Variants in IRF2BP1 observed in about 807,000 individuals in gnomAD.
The protein encoded by IRF2BP1 is interferon regulatory factor 2 binding protein 1.
In IRF2BP1, 9 loss-of-function variants were observed where a neutral mutation model predicts 38.6. The observed-to-expected ratio is 0.23, with a 90% CI of 0.14 to 0.41. The LOEUF is 0.41. Among genes scored for constraint, IRF2BP1 ranks in the 10% least tolerant of loss-of-function variants. IRF2BP1 has a pLI of 1.00. For synonymous variants in IRF2BP1, 416 were observed against 383.4 expected (o/e 1.08, Z -0.99); for missense variants, 631 against 829.6 (o/e 0.76, Z 2.94).
rs1967028281 is a variant in IRF2BP1 at position 45,884,425 on chromosome 19, C to T, written c.1350G>A (p.Gly450=). 1.3e-6 allele frequency: 2 copies of T among 1,598,690 alleles called. No individual in the cohort carries two copies. The highest frequency in any genetic ancestry group is 1.1e-5 in the South Asian group (1 of 90,630). ...PGGGGGPVRA[G]GASPAASSTA... is the part of the protein sequence containing the mutation. ...TGGAGGAGGCTGCAGGGCTGGCGCC[C>T]CCTGCACGCACAGGCCCCCCGCCTC... Residue 450 remains glycine, a synonymous_variant, in exon 1 of 1, where the codon GGG becomes GGA. Coordinates refer to ENST00000302165, the MANE Select transcript of IRF2BP1 (RefSeq NM_015649.3).
rs751213855 is a variant in IRF2BP1, at chr19:45,885,542, T to G, written c.233A>C (p.Lys78Thr). 7.0e-7 allele frequency: 1 copy of G among 1,433,880 alleles called. No individual in the cohort carries two copies. Among genetic ancestry groups the G allele is most frequent in the South Asian group, 1.4e-5 (1 of 69,638 alleles). 88.8% of individuals were successfully genotyped at this position (1,433,880 alleles called of 1,614,324 possible). A position where few individuals can be genotyped will look rare whatever the true frequency, so the allele number is the denominator to read the frequency against. ...GPPALKHPAT[K>T]DLAAAAAQGP... is the part of the protein sequence containing the mutation. ...CTGTGCGGCTGCCGCCGCCAGGTCC[T>G]TGGTGGCCGGGTGCTTAAGGGCCGG... is the stretch of plus-strand genomic sequence containing the variant. Residue 78 changes from lysine (K) to threonine (T), a missense_variant, in exon 1 of 1, where the codon AAG becomes ACG. By Grantham distance (78) the Lys-to-Thr change is moderately conservative. Transcript: ENST00000302165.
chr19:45,884,783 C>T lies in IRF2BP1; in HGVS notation c.992G>A (p.Gly331Asp). ...GCGGACGCCGTCGGTAAGCAGCTCGCCCAGCTGCCGCCATTCTCCTGATCC... is the reference window on the plus strand; with the variant it reads ...GCGGACGCCGTCGGTAAGCAGCTCGTCCAGCTGCCGCCATTCTCCTGATCC... Reference protein sequence around the residue: ...RHGSGEWRQLGELLTDGVRSF... With the variant: ...RHGSGEWRQLDELLTDGVRSF... Residue 331 changes from glycine (G) to aspartate (D), a missense_variant, in exon 1 of 1, where the codon GGC becomes GAC. Gly to Asp is a moderately conservative substitution (Grantham distance 94). This residue lies in a region of IRF2BP1 where 133 missense variants were observed against 232.2 expected (regional missense o/e 0.57). Transcript: ENST00000302165. 1 of 1,612,532 alleles carries T rather than the reference C, an allele frequency of 6.2e-7. No homozygotes were observed. Among genetic ancestry groups the T allele is most frequent in the Non-Finnish European group, 8.5e-7 (1 of 1,179,980 alleles).
At position 45,884,041 on chromosome 19, in the gene IRF2BP1, A is replaced by C; in HGVS notation, c.1734T>G (p.Val578=). ...TAGCCTAGGGGTCCCGTTCTTTCTTAACTTTGATGTCTCCAGCAAGGATGG... is the reference window on the plus strand; with the variant it reads ...TAGCCTAGGGGTCCCGTTCTTTCTTCACTTTGATGTCTCCAGCAAGGATGG... The part of the protein sequence containing the change: ...IATILAGDIK[V]KKERDP Residue 578 remains valine (V), a synonymous_variant, in exon 1 of 1, where the codon GTT becomes GTG. Transcript: ENST00000302165. 6.3e-7 allele frequency: 1 copy of C among 1,578,284 alleles called. No individual in the cohort carries two copies.
In IRF2BP1 at chr19:45,884,188, G is replaced by C; in HGVS notation, c.1587C>G (p.Pro529=). ...GCGCCTTGATGAACTCCCGGGAGCA[G>C]GGAAAGCAGAACTTGTGTCCGGGCA... ...PSVPGHKFCF[P]CSREFIKAQG... Residue 529 remains proline, a synonymous_variant, in exon 1 of 1, where the codon CCC becomes CCG. Transcript: ENST00000302165. 1 of 1,612,788 alleles carries C rather than the reference G, an allele frequency of 6.2e-7. No homozygotes were observed. Among genetic ancestry groups the C allele is most frequent in the Non-Finnish European group, 8.5e-7 (1 of 1,179,854 alleles).
rs199617243 is a variant in IRF2BP1 at position 45,885,406 on chromosome 19, C to G, written c.369G>C (p.Leu123=). The G allele has an allele frequency of 6.3e-7, 1 of 1,591,628 alleles. No individual in the cohort carries two copies. The highest frequency in any genetic ancestry group is 1.3e-5 in the African/African-American group (1 of 74,692). The part of the protein sequence containing the change: ...DRATSSGRLP[L]PSPALEYTLG... ...GAGTGTACTCCAGGGCGGGCGAGGG[C>G]AGGGGGAGGCGGCCTGATGATGTGG... is the stretch of plus-strand genomic sequence containing the variant. The change falls in exon 1 of 1, where the codon CTG becomes CTC. Residue 123 remains leucine, a synonymous_variant. Coordinates refer to ENST00000302165, the MANE Select transcript of IRF2BP1 (RefSeq NM_015649.3).
chr19:45,885,766 A>G lies in IRF2BP1; in HGVS notation c.9T>C (p.Ser3=). 6.4e-7 allele frequency: 1 copy of G among 1,567,662 alleles called. No individual in the cohort carries two copies. The part of the protein sequence containing the change: MA[S]VQASRRQWCY... The stretch of plus-strand genomic sequence containing the variant: ...ACCACTGGCGGCGGGACGCCTGCAC[A>G]GACGCCATGGCCCCAGTCCGCGCGC... The change falls in exon 1 of 1, where the codon TCT becomes TCC. Residue 3 remains serine (S), a synonymous_variant. Transcript: ENST00000302165.
In IRF2BP1 at chr19:45,885,965, C is replaced by T; in HGVS notation, c.-191G>A. On this transcript the variant is annotated 5_prime_UTR_variant, in exon 1 of 1. Coordinates refer to ENST00000302165, the MANE Select transcript of IRF2BP1 (RefSeq NM_015649.3). ...GGGCCCTAAGCCTTTCTGCTCACTCCCGCCTCCCTCGCGAAGGCAGGCTGA... is the reference window on the plus strand; with the variant it reads ...GGGCCCTAAGCCTTTCTGCTCACTCTCGCCTCCCTCGCGAAGGCAGGCTGA... The T allele has an allele frequency of 1.6e-6, 1 of 610,244 alleles. No individual in the cohort carries two copies. Among genetic ancestry groups the T allele is most frequent in the Non-Finnish European group, 2.5e-6 (1 of 396,094 alleles). The allele number at this position is 610,244 out of a possible 1,614,324, so 37.8% of individuals were successfully genotyped here.
chr19:45,884,982 G>A lies in IRF2BP1; in HGVS notation c.793C>T (p.Pro265Ser). ...TTCAGCTCGAACTCGTATCCTGGAGGACGGGCAGTAGCATCGAAGGCGAAC... is the reference window on the plus strand; with the variant it reads ...TTCAGCTCGAACTCGTATCCTGGAGAACGGGCAGTAGCATCGAAGGCGAAC... ...RVFAFDATAR[P>S]PGYEFELKLF... The change falls in exon 1 of 1, where the codon CCT becomes TCT. Residue 265 changes from proline (P) to serine (S), a missense_variant. Physicochemically the swap from Pro to Ser is moderately conservative, Grantham distance 74. Transcript: ENST00000302165. 6.2e-7 allele frequency: 1 copy of A among 1,613,472 alleles called. No homozygotes were observed. The highest frequency in any genetic ancestry group is 1.1e-5 in the South Asian group (1 of 91,092).
rs1429195751 is a variant in IRF2BP1, at chr19:45,884,698, A to G, written c.1077T>C (p.Pro359=). Residue 359 remains proline, a synonymous_variant, in exon 1 of 1, where the codon CCT becomes CCC. Transcript: ENST00000302165. The part of the protein sequence containing the change: ...ALPQQYPEPA[P]AALCGPPPRA... ...GCGGGGGTGGGCCACAGAGAGCCGC[A>G]GGGGCCGGCTCTGGGTACTGCTGGG... 1 of 1,607,170 alleles carries G rather than the reference A, an allele frequency of 6.2e-7. No homozygotes were observed. Among genetic ancestry groups the G allele is most frequent in the Non-Finnish European group, 8.5e-7 (1 of 1,177,906 alleles).
chr19:45,886,061 C>T lies in IRF2BP1; in HGVS notation c.-287G>A. 1 of 273,598 alleles carries T rather than the reference C, an allele frequency of 3.7e-6. No homozygotes were observed. The highest frequency in any genetic ancestry group is 1.5e-4 in the South Asian group (1 of 6,874). The allele number at this position is 273,598 out of a possible 1,614,324, so 16.9% of individuals were successfully genotyped here. ...ACAGCTCGGGCCCCACGATGGGCCG[C>T]GAGCGCCGCCGCCTCGGGCTCCCGC... On this transcript the variant is annotated 5_prime_UTR_variant, in exon 1 of 1. Transcript: ENST00000302165.
rs748386614 is a variant in IRF2BP1 at position 45,884,644 on chromosome 19, C to A, written c.1131G>T (p.Thr377=). The A allele has an allele frequency of 3.1e-6, 5 of 1,600,400 alleles. No homozygotes were observed. In the South Asian group the frequency reaches 5.5e-5, roughly 18 times the overall value. ...PRAPSRNLAP[T]PRRRKASPEP... ...CGGGGGATGCCTTGCGACGGCGCGG[C>A]GTGGGCGCCAGGTTCCGGGATGGGG... is the stretch of plus-strand genomic sequence containing the variant. The change falls in exon 1 of 1, where the codon ACG becomes ACT. Residue 377 remains threonine (T), a synonymous_variant. Coordinates refer to ENST00000302165, the MANE Select transcript of IRF2BP1 (RefSeq NM_015649.3).
Position 45,886,066 on chromosome 19 carries a change from G to A in IRF2BP1, c.-292C>T, listed in dbSNP as rs1967052259. 1 of 273,570 alleles carries A rather than the reference G, an allele frequency of 3.7e-6. No individual in the cohort carries two copies. The highest frequency in any genetic ancestry group is 6.8e-6 in the Non-Finnish European group (1 of 146,210). The allele number at this position is 273,570 out of a possible 1,614,324, so 16.9% of individuals were successfully genotyped here. A position where few individuals can be genotyped will look rare whatever the true frequency, so the allele number is the denominator to read the frequency against. ...TCGGGCCCCACGATGGGCCGCGAGC[G>A]CCGCCGCCTCGGGCTCCCGCCGCTC... On this transcript the variant is annotated 5_prime_UTR_variant, in exon 1 of 1. Transcript: ENST00000302165.
chr19:45,885,555 G>A lies in IRF2BP1; in HGVS notation c.220C>T (p.His74Tyr). Residue 74 changes from histidine (H) to tyrosine (Y), a missense_variant, in exon 1 of 1, where the codon CAC becomes TAC. Coordinates refer to ENST00000302165, the MANE Select transcript of IRF2BP1 (RefSeq NM_015649.3). The stretch of plus-strand genomic sequence containing the variant: ...GCCGCCAGGTCCTTGGTGGCCGGGT[G>A]CTTAAGGGCCGGGGGCCCGGGCGAG... The part of the protein sequence containing the change: ...GRSPGPPALK[H>Y]PATKDLAAAA... 6.9e-7 allele frequency: 1 copy of A among 1,453,632 alleles called. No homozygotes were observed. The highest frequency in any genetic ancestry group is 9.0e-7 in the Non-Finnish European group (1 of 1,108,312). 90.0% of individuals were successfully genotyped at this position (1,453,632 alleles called of 1,614,324 possible).
In IRF2BP1 at chr19:45,884,629, C is replaced by T. The variant is rs977324868; in HGVS notation, c.1146G>A (p.Lys382=). Residue 382 remains lysine, a synonymous_variant, in exon 1 of 1, where the codon AAG becomes AAA. Coordinates refer to ENST00000302165, the MANE Select transcript of IRF2BP1 (RefSeq NM_015649.3). ...RNLAPTPRRR[K]ASPEPEGEAA... ...CCTCGCCCTCCGGCTCGGGGGATGC[C>T]TTGCGACGGCGCGGCGTGGGCGCCA... 1.3e-6 allele frequency: 2 copies of T among 1,599,754 alleles called. No homozygotes were observed. Among genetic ancestry groups the T allele is most frequent in the Non-Finnish European group, 1.7e-6 (2 of 1,178,762 alleles).
Position 45,884,004 on chromosome 19 carries a change from T to G in IRF2BP1, c.*16A>C. Reference sequence around the variant, plus strand: ...GGCAAAGGGGCAGAGGGCAGTAGCCTGGAGGCAGTGGTAGCCTAGGGGTCC... The same window carrying G: ...GGCAAAGGGGCAGAGGGCAGTAGCCGGGAGGCAGTGGTAGCCTAGGGGTCC... On this transcript the variant is annotated 3_prime_UTR_variant, in exon 1 of 1. Coordinates refer to ENST00000302165, the MANE Select transcript of IRF2BP1 (RefSeq NM_015649.3). The G allele has an allele frequency of 6.5e-7, 1 of 1,545,940 alleles. No individual in the cohort carries two copies. The highest frequency in any genetic ancestry group is 1.2e-5 in the South Asian group (1 of 82,008).
In IRF2BP1 at chr19:45,885,220, C is replaced by A; in HGVS notation, c.555G>T (p.Leu185Phe). The change falls in exon 1 of 1, where the codon TTG becomes TTT. Residue 185 changes from leucine (L) to phenylalanine (F), a missense_variant. Leu to Phe is a conservative substitution (Grantham distance 22). Coordinates refer to ENST00000302165, the MANE Select transcript of IRF2BP1 (RefSeq NM_015649.3). ...AGCCGAAGAGGGGACGGGCAGGACT[C>A]AAGCCGGGTGCCAGCGTCAGGCCTC... is the stretch of plus-strand genomic sequence containing the variant. Reference protein sequence around the residue: ...GSRGLTLAPGLSPARPLFGSD... With the variant: ...GSRGLTLAPGFSPARPLFGSD... The A allele has an allele frequency of 6.2e-7, 1 of 1,605,874 alleles. No individual in the cohort carries two copies.
In IRF2BP1 at chr19:45,883,693, T is replaced by G; in HGVS notation, c.*327A>C. ...GTGGGAATTAAATGCTTTTGCCTCG[T>G]TTATAAAGAGCGAGTTTTCAGGAGG... On this transcript the variant is annotated 3_prime_UTR_variant, in exon 1 of 1. Transcript: ENST00000302165. 1 of 269,206 alleles carries G rather than the reference T, an allele frequency of 3.7e-6. No homozygotes were observed. The highest frequency in any genetic ancestry group is 7.0e-6 in the Non-Finnish European group (1 of 142,442). The allele number at this position is 269,206 out of a possible 1,614,324, so 16.7% of individuals were successfully genotyped here.
At position 45,884,582 on chromosome 19, in the gene IRF2BP1, T is replaced by G. The variant is rs1209230271; in HGVS notation, c.1193A>C (p.Glu398Ala). Residue 398 changes from glutamate (E) to alanine (A), a missense_variant, in exon 1 of 1, where the codon GAG becomes GCG. Coordinates refer to ENST00000302165, the MANE Select transcript of IRF2BP1 (RefSeq NM_015649.3). ...EGEAAGKMTT[E>A]EQQQRHWVAP... ...CACCCAGTGCCGTTGCTGCTGCTCC[T>G]CGGTGGTCATCTTCCCAGCCGCCTC... is the stretch of plus-strand genomic sequence containing the variant. 12 of 1,599,170 alleles carry G rather than the reference T, an allele frequency of 7.5e-6. No homozygotes were observed. Among genetic ancestry groups the G allele is most frequent in the Admixed American group, 1.7e-5 (1 of 59,932 alleles).
Position 45,884,305 on chromosome 19 carries a change from G to A in IRF2BP1, c.1470C>T (p.Gly490=). 1 of 1,610,216 alleles carries A rather than the reference G, an allele frequency of 6.2e-7. No homozygotes were observed. The highest frequency in any genetic ancestry group is 1.1e-5 in the South Asian group (1 of 90,836). ...CCCCAGGGGTCGCCCCAGTGCCGCT[G>A]CCACCCCCGCTGACAGCTTCGGCCC... ...TAGAEAVSGG[G]SGTGATPGAP... is the part of the protein sequence containing the mutation. Residue 490 remains glycine, a synonymous_variant, in exon 1 of 1, where the codon GGC becomes GGT. Transcript: ENST00000302165.
Sources: gnomAD v4.1 joint callset for allele counts on GRCh38, gnomAD v4.1.1 for gene constraint, gnomAD v4.1.1 regional missense constraint, MANE v1.5 for transcripts, NCBI Gene and HGNC (gene_info 2026-07-23, HGNC 2026-07-21) for gene names.